CRISPLD2: variants seen among roughly 807,000 people sequenced by gnomAD.
The protein encoded by CRISPLD2 is cysteine-rich secretory protein LCCL domain-containing 2.
Under a neutral mutation model 71.1 loss-of-function variants are expected in CRISPLD2, and 47 were observed. The ratio of observed to expected loss-of-function variants is 0.66; its 90% confidence interval spans 0.52 to 0.84. The LOEUF is 0.84. Among genes scored for constraint, CRISPLD2 ranks in the 40% least tolerant of loss-of-function variants. The pLI is 0.00. For missense variants in CRISPLD2, 830 were observed against 651.1 expected, an observed-to-expected ratio of 1.27 and a Z score of -2.99; for synonymous variants, 317 against 250.1, an observed-to-expected ratio of 1.27 and a Z score of -2.52.
chr16:84,864,673 G>A (rs1917487477), intron 6 of CRISPLD2, among the ~76,000 whole-genome samples: 1 of 152,216 alleles, frequency 6.6e-6, no homozygotes, highest in Non-Finnish European at 1.5e-5. Flanking sequence ...ATTCTCTGGG[G>A]GTTTTGGTAG....
intron 5 of CRISPLD2, among the ~76,000 whole-genome samples, chr16:84,853,386 G>A (rs1197724733): frequency 6.6e-6 from 1 of 152,212 alleles, no homozygotes; most frequent in Non-Finnish European, 1.5e-5. Context: ...TCTGAGCAGG[G>A]ATGTCTTGTG....
At chr16:84,877,335 G>A in intron 11 of CRISPLD2, 103 bp from the exon 12 acceptor site, 1 of 1,006,424 alleles carries the variant, frequency 9.9e-7, no homozygotes, top group African/African-American at 1.6e-5. Flanking sequence ...AGGGCCCAGG[G>A]AACCCATAGG....
intron 6 of CRISPLD2, among the ~76,000 whole-genome samples, chr16:84,856,838 T>C (rs1295242715): frequency 6.6e-6 from 1 of 152,220 alleles, no homozygotes; most frequent in Non-Finnish European, 1.5e-5. Context: ...ACTGCCACAC[T>C]TTTTTAGCCA....
At chr16:84,895,818 C>T (rs144321398) in intron 14 of CRISPLD2, among the ~76,000 whole-genome samples, 1 of 152,196 alleles carries the variant, frequency 6.6e-6, no homozygotes, top group East Asian at 1.9e-4. Flanking sequence ...TCGCCTCTGG[C>T]CCAGGTACCT....
intron 5 of CRISPLD2, among the ~76,000 whole-genome samples, chr16:84,852,383 C>T (rs555152230): frequency 2.0e-5 from 3 of 152,230 alleles, no homozygotes; most frequent in African/African-American, 4.8e-5. Flanking sequence ...ACCATTCTAG[C>T]ATCTTTCCCA....
chr16:84,890,891 C>T (rs370826857), intron 14 of CRISPLD2, among the ~76,000 whole-genome samples: 29 of 152,298 alleles, frequency 1.9e-4, no homozygotes, highest in African/African-American at 7.0e-4. Context: ...CTCAGCCTCC[C>T]AAGTAGCTGG....
intron 14 of CRISPLD2, among the ~76,000 whole-genome samples, chr16:84,896,612 C>G (rs1438018884): frequency 6.6e-6 from 1 of 152,044 alleles, no homozygotes; most frequent in African/African-American, 2.4e-5. Flanking sequence ...AGGTCAGTGT[C>G]CTGAGCACAC....
At chr16:84,866,240 T>G (rs1397705339) in intron 6 of CRISPLD2, among the ~76,000 whole-genome samples, 2 of 130,504 alleles carry the variant, frequency 1.5e-5, no homozygotes, top group African/African-American at 5.3e-5. Context: ...TGTTTTTTGG[T>G]TTTTTTTTTT....
intron 13 of CRISPLD2, among the ~76,000 whole-genome samples, chr16:84,886,134 C>G (rs2071610966): frequency 6.6e-6 from 1 of 152,126 alleles, no homozygotes; most frequent in Non-Finnish European, 1.5e-5. Context: ...AGGTGATCTG[C>G]CCACCTCGGC....
chr16:84,855,585 C>A (rs1197212401), intron 6 of CRISPLD2, among the ~76,000 whole-genome samples: 2 of 152,174 alleles, frequency 1.3e-5, no homozygotes, highest in African/African-American at 4.8e-5. Context: ...CTCTCCCAGC[C>A]CACTGACTCA....
intron 12 of CRISPLD2, among the ~76,000 whole-genome samples, chr16:84,878,019 G>A (rs1191162794): frequency 1.3e-5 from 2 of 148,610 alleles, no homozygotes; most frequent in African/African-American, 2.5e-5. Flanking sequence ...GACCATCCTG[G>A]CTAACACGGT....
intron 1 of CRISPLD2, among the ~76,000 whole-genome samples, chr16:84,820,413 T>G (rs1916205291): frequency 6.6e-6 from 1 of 152,236 alleles, no homozygotes; most frequent in Non-Finnish European, 1.5e-5. Context: ...CCTTAGAGGC[T>G]GTTTACTCTC....
At chr16:84,892,670 T>C (rs1685169634) in intron 14 of CRISPLD2, among the ~76,000 whole-genome samples, 1 of 152,042 alleles carries the variant, frequency 6.6e-6, no homozygotes, top group Non-Finnish European at 1.5e-5. Flanking sequence ...GATTCTGATA[T>C]TATTTTGCTA....
intron 14 of CRISPLD2, among the ~76,000 whole-genome samples, chr16:84,902,687 C>G (rs1242845203): frequency 1.3e-5 from 2 of 151,544 alleles, no homozygotes; most frequent in Middle Eastern, 3.2e-3. Context: ...GAAGGCCACA[C>G]TATCCTGCTG....
rs1478588542 is a variant in CRISPLD2, at chr16:84,873,103, C to G, written c.1093C>G (p.His365Asp). 1 of 1,613,760 alleles carries G rather than the reference C, an allele frequency of 6.2e-7. No homozygotes were observed. Among genetic ancestry groups the G allele is most frequent in the Non-Finnish European group, 8.5e-7 (1 of 1,179,852 alleles). ...CCCCTTCTTCGTGAAGTCTGAGAGACACGGCGTGCAGTCCCTCAGGTAACT... is the reference window on the plus strand; with the variant it reads ...CCCCTTCTTCGTGAAGTCTGAGAGAGACGGCGTGCAGTCCCTCAGGTAACT... ...KVPFFVKSER[H>D]GVQSLSKYKP... Residue 365 changes from histidine (H) to aspartate (D), a missense_variant, in exon 10 of 15, where the codon CAC (histidine) becomes GAC (aspartate). Coordinates refer to ENST00000262424, the MANE Select transcript of CRISPLD2 (RefSeq NM_031476.4).
chr16:84,821,362 G>C (rs1916226924), intron 1 of CRISPLD2, among the ~76,000 whole-genome samples: 1 of 152,214 alleles, frequency 6.6e-6, no homozygotes, highest in Non-Finnish European at 1.5e-5. Context: ...AGGAGAAGGG[G>C]TGGGTGTGTG....
At position 84,898,097 on chromosome 16, in the gene CRISPLD2, T is replaced by G. The variant is rs199855871; in HGVS notation, c.1440-8491T>G. ...CTGATTGACACTCAGATCGTTTCCT[T>G]TTTTCTTTCACTGTAATAAACAACA... On this transcript the variant is annotated intron_variant, in intron 14 of 14. Transcript: ENST00000262424. 3.3e-5 allele frequency among the ~76,000 whole-genome samples: 5 copies of G among 152,204 alleles called. No homozygotes were observed. In the East Asian group the frequency reaches 9.6e-4, roughly 29 times the overall value.
At chr16:84,892,455 C>A (rs145430848) in intron 14 of CRISPLD2, among the ~76,000 whole-genome samples, 289 of 152,132 alleles carry the variant, frequency 1.9e-3, no homozygotes, top group African/African-American at 6.7e-3. Flanking sequence ...AATAACAGCT[C>A]AATAGTTTCT....
In CRISPLD2 at chr16:84,841,418, G is replaced by C. The variant is rs78235300; in HGVS notation, c.240+2683G>C. 1.1e-4 allele frequency among the ~76,000 whole-genome samples: 17 copies of C among 152,222 alleles called. No homozygotes were observed. In the East Asian group the frequency reaches 3.1e-3, roughly 28 times the overall value. On this transcript the variant is annotated intron_variant, in intron 2 of 14. Transcript: ENST00000262424. ...CCATGGCTCATTTCTGAGGGAGTGA[G>C]GCCATTGGAAGAGGTCAGAGAGGCA...
Sources: gnomAD v4.1 joint callset for allele counts (sites outside exome capture counted in the v4.1 genomes callset) on GRCh38, gnomAD v4.1.1 for gene constraint, MANE v1.5 for transcripts, NCBI Gene and HGNC (gene_info 2026-07-23, HGNC 2026-07-21) for gene names.